The following RBFOX1 variants were observed in gnomAD, a reference collection of about 807,000 sequenced individuals.
RBFOX1 encodes RNA binding fox-1 homolog 1, also known as RNA binding protein fox-1 homolog 1.
A neutral mutation model predicts 57.7 loss-of-function variants in RBFOX1; 8 were observed. That is an observed-to-expected ratio of 0.14 (90% CI 0.08 to 0.25). The LOEUF is 0.25. RBFOX1 is among the 10% of genes least tolerant of loss of function. The pLI is 1.00. For missense variants in RBFOX1, 611 were observed against 548.5 expected (o/e 1.11, Z -1.14); for synonymous variants, 326 against 222.4 (o/e 1.47, Z -4.15).
chr16:5,407,777 G>A (rs1391372529), intron 1 of RBFOX1, among the ~76,000 whole-genome samples: 1 of 152,166 alleles, frequency 6.6e-6, no homozygotes, highest in Admixed American at 6.5e-5. Flanking sequence ...TCGAACTCCT[G>A]ACCTCAAACG....
intron 11 of RBFOX1, among the ~76,000 whole-genome samples, chr16:7,649,173 A>T (rs2064398033): frequency 6.6e-6 from 1 of 152,222 alleles, no homozygotes; most frequent in African/African-American, 2.4e-5. Context: ...AAGTAAGAGG[A>T]GGAGCATGTC....
At chr16:7,186,249 TAAAC>T (rs1420747886) in intron 4 of RBFOX1, among the ~76,000 whole-genome samples, 1 of 126,926 alleles carries the variant, frequency 7.9e-6, no homozygotes, top group Non-Finnish European at 1.7e-5. Flanking sequence ...TATATAAACA[TAAAC>T]ATATTTATAT....
chr16:5,641,103 C>T (rs1413248767), intron 3 of RBFOX1, among the ~76,000 whole-genome samples: 3 of 150,194 alleles, frequency 2.0e-5, no homozygotes, highest in Non-Finnish European at 4.4e-5. Context: ...CATGCATACA[C>T]ATGCATACAC....
intron 1 of RBFOX1, among the ~76,000 whole-genome samples, chr16:6,295,750 G>A (rs1245787317): frequency 1.3e-5 from 2 of 152,206 alleles, no homozygotes; most frequent in Non-Finnish European, 2.9e-5. Context: ...GGAGGGGACA[G>A]GGGCAATGGC....
At chr16:6,773,961 C>G (rs1490307317) in intron 3 of RBFOX1, 2 of 985,274 alleles carry the variant, frequency 2.0e-6, no homozygotes, top group Non-Finnish European at 2.4e-6. Context: ...GCACATGGTT[C>G]TCATGGTCCT....
intron 2 of RBFOX1, among the ~76,000 whole-genome samples, chr16:6,504,330 C>A (rs1270784128): frequency 3.3e-5 from 5 of 152,204 alleles, no homozygotes; most frequent in Admixed American, 6.5e-5. Context: ...ACTTCACATT[C>A]CCCTGCCCTT....
At chr16:6,295,561 C>G (rs975798615) in intron 1 of RBFOX1, among the ~76,000 whole-genome samples, 4 of 152,182 alleles carry the variant, frequency 2.6e-5, no homozygotes, top group African/African-American at 9.7e-5. Flanking sequence ...TTCCAATACA[C>G]CAATGAGAGA....
chr16:6,878,615 T>TTGTA (rs139275589), intron 3 of RBFOX1, among the ~76,000 whole-genome samples: 2,713 of 152,268 alleles, frequency 0.018, 46 homozygotes, highest in African/African-American at 0.023. Context: ...AACATTTTGT[T>TTGTA]TGTGTGTTGT....
intron 4 of RBFOX1, among the ~76,000 whole-genome samples, chr16:7,481,224 G>C (rs1328353614): frequency 1.3e-5 from 2 of 152,108 alleles, no homozygotes; most frequent in African/African-American, 4.8e-5. Flanking sequence ...GAAGTACTTG[G>C]GATAAAATAT....
chr16:7,675,827 A>C (rs995031145), intron 13 of RBFOX1, among the ~76,000 whole-genome samples: 16 of 152,178 alleles, frequency 1.1e-4, no homozygotes, highest in African/African-American at 3.6e-4. Flanking sequence ...TTAGAACCTG[A>C]ATGGTCCTGT....
intron 4 of RBFOX1, among the ~76,000 whole-genome samples, chr16:7,214,962 A>G (rs1325720915): frequency 2.0e-5 from 3 of 152,152 alleles, no homozygotes; most frequent in Admixed American, 6.5e-5. Context: ...ATAGGTGTCC[A>G]CGTGCCATGG....
chr16:7,115,560 C>T (rs1434433412), intron 4 of RBFOX1, among the ~76,000 whole-genome samples: 2 of 152,174 alleles, frequency 1.3e-5, no homozygotes, highest in African/African-American at 2.4e-5. Context: ...TGAGCTCTCT[C>T]ACCTGGCTGT....
intron 4 of RBFOX1, among the ~76,000 whole-genome samples, chr16:7,407,814 A>G (rs2098372252): frequency 6.6e-6 from 1 of 152,054 alleles, no homozygotes; most frequent in Admixed American, 6.6e-5. Flanking sequence ...AGGTTTTCAT[A>G]TTTCACTGGG....
At chr16:5,900,926 C>G (rs2058290969) in intron 4 of RBFOX1, among the ~76,000 whole-genome samples, 1 of 152,154 alleles carries the variant, frequency 6.6e-6, no homozygotes, top group South Asian at 2.1e-4. Flanking sequence ...CAAATCTTTC[C>G]CTTGGGAGAG....
intron 3 of RBFOX1, among the ~76,000 whole-genome samples, chr16:6,780,882 T>C (rs771712495): frequency 2.0e-5 from 3 of 152,048 alleles, no homozygotes; most frequent in Non-Finnish European, 4.4e-5. Context: ...TCCTCACATG[T>C]TCTGGCAGTT....
At chr16:6,891,898 A>G (rs2065518346) in intron 3 of RBFOX1, among the ~76,000 whole-genome samples, 1 of 152,150 alleles carries the variant, frequency 6.6e-6, no homozygotes, top group Non-Finnish European at 1.5e-5. Context: ...ATCCCTGCTC[A>G]TTCTTTTCTT....
chr16:6,528,234 A>T (rs1259135357), intron 2 of RBFOX1, among the ~76,000 whole-genome samples: 1 of 152,196 alleles, frequency 6.6e-6, no homozygotes, highest in African/African-American at 2.4e-5. Flanking sequence ...ATTTGATGCC[A>T]ATCCCATGGA....
intron 1 of RBFOX1, among the ~76,000 whole-genome samples, chr16:5,273,829 T>C (rs2063076345): frequency 6.6e-6 from 1 of 152,142 alleles, no homozygotes; most frequent in Non-Finnish European, 1.5e-5. Flanking sequence ...AGTTCCTACC[T>C]GGCTTTCCAA....
chr16:5,503,865 G>C (rs972985910), intron 2 of RBFOX1, among the ~76,000 whole-genome samples: 4 of 152,128 alleles, frequency 2.6e-5, no homozygotes, highest in Admixed American at 1.3e-4. Flanking sequence ...CTATTGTCTG[G>C]TCCTCCCAGC....
Sources: gnomAD v4.1 joint callset for allele counts (sites outside exome capture counted in the v4.1 genomes callset) on GRCh38, gnomAD v4.1.1 for gene constraint, MANE v1.5 for transcripts, NCBI Gene and HGNC (gene_info 2026-07-23, HGNC 2026-07-21) for gene names.